Variants in ZNF696 observed in about 807,000 individuals in gnomAD.
ZNF696 encodes the protein zinc finger protein 696.
A neutral mutation model predicts 12.3 loss-of-function variants in ZNF696; 10 were observed. The ratio of observed to expected loss-of-function variants is 0.81; its 90% CI spans 0.50 to 1.38. The LOEUF is 1.38. ZNF696 is among the 40% of genes most tolerant of loss of function. The pLI is 0.00. For synonymous variants in ZNF696, 304 were observed against 243.9 expected (o/e 1.25, Z -2.29); for missense variants, 675 against 554.7 (o/e 1.22, Z -2.18).
At position 143,297,684 on chromosome 8, in the gene ZNF696, T is replaced by G. The variant is rs1815744364; in HGVS notation, c.*884T>G. ...GGAACCTGAGAAGGGGGTCGTGGGG[T>G]CCCCGGGGCCCACCGTCTGCACTTG... On this transcript the variant is annotated 3_prime_UTR_variant, in exon 3 of 3. Transcript: ENST00000330143. 6.6e-6 allele frequency: 1 copy of G among 151,330 alleles called. No individual in the cohort carries two copies. The highest frequency in any genetic ancestry group is 2.4e-5 in the African/African-American group (1 of 41,088). The allele number at this position is 151,330 out of a possible 1,614,324, so 9.4% of individuals were successfully genotyped here. A position where few individuals can be genotyped will look rare whatever the true frequency, so the allele number is the denominator to read the frequency against.
chr8:143,293,287 A>G, intron 2 of ZNF696: 2 of 582,670 alleles, frequency 3.4e-6, no homozygotes, highest in South Asian at 4.3e-5. Context: ...AAAGTCTGGC[A>G]GCCCCAGGCT....
Position 143,299,085 on chromosome 8 carries a change from G to A in ZNF696, c.*2285G>A, listed in dbSNP as rs985756308. Among the ~76,000 whole-genome samples, 3 of 152,108 alleles carry A rather than the reference G, an allele frequency of 2.0e-5. No individual in the cohort carries two copies. The highest frequency in any genetic ancestry group is 4.8e-5 in the African/African-American group (2 of 41,410). On this transcript the variant is annotated 3_prime_UTR_variant, in exon 3 of 3. Transcript: ENST00000330143. ...GAGGCAGGAGAATCCCTTGAACCTG[G>A]GAGGCAGAAGATGCAGTGAGCCGAG...
In ZNF696 at chr8:143,297,552, G is replaced by C. The variant is rs1314336367; in HGVS notation, c.*752G>C. On this transcript the variant is annotated 3_prime_UTR_variant, in exon 3 of 3. Coordinates refer to ENST00000330143, the MANE Select transcript of ZNF696 (RefSeq NM_030895.3). ...GTAATCTCAGCTACTTGGGAGCCTG[G>C]GGCAGGAGAATCACTTGAACCTGGG... 1 of 152,232 alleles carries C rather than the reference G, an allele frequency of 6.6e-6. No homozygotes were observed. The highest frequency in any genetic ancestry group is 1.5e-5 in the Non-Finnish European group (1 of 68,076). The allele number at this position is 152,232 out of a possible 1,614,324, so 9.4% of individuals were successfully genotyped here.
chr8:143,295,386 A>T, intron 2 of ZNF696: 1 of 561,640 alleles, frequency 1.8e-6, no homozygotes, highest in Non-Finnish European at 3.4e-6. Flanking sequence ...AAGAGACAGG[A>T]TCTCACTATG....
chr8:143,298,287 G>A lies in ZNF696; in HGVS notation c.*1487G>A, dbSNP rs990881068. 1.3e-5 allele frequency among the ~76,000 whole-genome samples: 2 copies of A among 152,172 alleles called. No homozygotes were observed. Among genetic ancestry groups the A allele is most frequent in the Admixed American group, 6.5e-5 (1 of 15,280 alleles). ...AGTCGCTTTGAGGGCTCTTGGCACCGATTTTGTTAAAATGCATGAGCTTAG... is the reference window on the plus strand; with the variant it reads ...AGTCGCTTTGAGGGCTCTTGGCACCAATTTTGTTAAAATGCATGAGCTTAG... On this transcript the variant is annotated 3_prime_UTR_variant, in exon 3 of 3. Coordinates refer to ENST00000330143, the MANE Select transcript of ZNF696 (RefSeq NM_030895.3).
At chr8:143,292,440 G>GTT (rs35335113) in intron 1 of ZNF696, among the ~76,000 whole-genome samples, 178 of 145,308 alleles carry the variant, frequency 1.2e-3, no homozygotes, top group Admixed American at 4.8e-3. Flanking sequence ...TCCCTTTTTG[G>GTT]TTTTTTTTTT....
At position 143,296,679 on chromosome 8, in the gene ZNF696, G is replaced by A. The variant is rs1258285602; in HGVS notation, c.1004G>A (p.Gly335Asp). 6.4e-7 allele frequency: 1 copy of A among 1,566,290 alleles called. No individual in the cohort carries two copies. Residue 335 changes from glycine to aspartate, a missense_variant, in exon 3 of 3, where the codon GGC becomes GAC. By Grantham distance (94) the Gly-to-Asp change is moderately conservative. Coordinates refer to ENST00000330143, the MANE Select transcript of ZNF696 (RefSeq NM_030895.3). ...HCGRAFRALS[G>D]FFRHQRLHTG... ...GGGCGCGCGTTCCGGGCGCTGTCGG[G>A]CTTCTTCCGGCACCAGCGACTCCAC...
Position 143,296,366 on chromosome 8 carries a change from C to A in ZNF696, c.691C>A (p.His231Asn). Residue 231 changes from histidine to asparagine, a missense_variant, in exon 3 of 3, where the codon CAC (histidine) becomes AAC (asparagine). Coordinates refer to ENST00000330143, the MANE Select transcript of ZNF696 (RefSeq NM_030895.3). ...RSDAAKHRRT[H>N]TGERLYACGE... The stretch of plus-strand genomic sequence containing the variant: ...GGACGCCGCCAAGCACCGCCGCACC[C>A]ACACCGGGGAGAGGCTGTACGCGTG... 6.3e-7 allele frequency: 1 copy of A among 1,594,228 alleles called. No individual in the cohort carries two copies.
rs963882818 is a variant in ZNF696, at chr8:143,296,893, G to A, written c.*93G>A. Reference sequence around the variant, plus strand: ...TGTCCGCCCCGTGCGCGGTGAGGAAGTAACAGCCGGCTGCGCGCCTGGTTC... The same window carrying A: ...TGTCCGCCCCGTGCGCGGTGAGGAAATAACAGCCGGCTGCGCGCCTGGTTC... On this transcript the variant is annotated 3_prime_UTR_variant, in exon 3 of 3. Transcript: ENST00000330143. 6.7e-6 allele frequency: 8 copies of A among 1,190,312 alleles called. No homozygotes were observed. Among genetic ancestry groups the A allele is most frequent in the Non-Finnish European group, 8.7e-6 (8 of 917,436 alleles). 73.7% of individuals were successfully genotyped at this position (1,190,312 alleles called of 1,614,324 possible).
intron 2 of ZNF696, among the ~76,000 whole-genome samples, chr8:143,294,395 T>C (rs566861325): frequency 1.2e-4 from 18 of 151,454 alleles, no homozygotes; most frequent in Admixed American, 3.9e-4. Context: ...CTTTTCTTTT[T>C]TTTTTTTTTA....
At position 143,292,980 on chromosome 8, in the gene ZNF696, C is replaced by T; in HGVS notation, c.-22C>T. ...TTCTTTTACCTAAGCAGAAATTGTT[C>T]CAACTGCTGGTGTTCTGCAAGATGG... On this transcript the variant is annotated 5_prime_UTR_variant, in exon 2 of 3. Transcript: ENST00000330143. The T allele has an allele frequency of 6.2e-7, 1 of 1,613,206 alleles. No homozygotes were observed. The highest frequency in any genetic ancestry group is 1.3e-5 in the African/African-American group (1 of 75,012).
intron 1 of ZNF696, among the ~76,000 whole-genome samples, chr8:143,292,661 G>A (rs890142825): frequency 1.3e-5 from 2 of 152,216 alleles, no homozygotes; most frequent in Non-Finnish European, 2.9e-5. Flanking sequence ...GAGGGCGCGG[G>A]CTTCCTCAGC....
intron 2 of ZNF696, chr8:143,293,402 C>T (rs1012523587): frequency 9.1e-5 from 41 of 451,708 alleles, no homozygotes; most frequent in South Asian, 7.7e-4. Context: ...TGTTGTAGGA[C>T]GTTCGGCAGC....
At chr8:143,294,177 C>T (rs1345772028) in intron 2 of ZNF696, among the ~76,000 whole-genome samples, 1 of 152,208 alleles carries the variant, frequency 6.6e-6, no homozygotes, top group African/African-American at 2.4e-5. Context: ...CAGGGTTTCA[C>T]CCCTACCCCT....
chr8:143,296,254 C>T lies in ZNF696; in HGVS notation c.579C>T (p.Ser193=), dbSNP rs61729428. The change falls in exon 3 of 3, where the codon AGC becomes AGT. Residue 193 remains serine (S), a synonymous_variant. Coordinates refer to ENST00000330143, the MANE Select transcript of ZNF696 (RefSeq NM_030895.3). ...CAECGKAFGQ[S]FNLLRHQRVH... The stretch of plus-strand genomic sequence containing the variant: ...AGTGCGGCAAGGCCTTCGGCCAGAG[C>T]TTCAACCTCCTCCGGCACCAGCGCG... 6.3e-7 allele frequency: 1 copy of T among 1,596,534 alleles called. No individual in the cohort carries two copies. The highest frequency in any genetic ancestry group is 8.5e-7 in the Non-Finnish European group (1 of 1,175,288).
intron 2 of ZNF696, among the ~76,000 whole-genome samples, chr8:143,293,496 G>C (rs1480469982): frequency 2.0e-5 from 3 of 152,284 alleles, no homozygotes; most frequent in South Asian, 4.1e-4. Context: ...TGTCAAATGT[G>C]CCCTCAGGAC....
In ZNF696 at chr8:143,296,872, C is replaced by A; in HGVS notation, c.*72C>A. 1 of 1,294,508 alleles carries A rather than the reference C, an allele frequency of 7.7e-7. No individual in the cohort carries two copies. Among genetic ancestry groups the A allele is most frequent in the African/African-American group, 1.6e-5 (1 of 63,542 alleles). 80.2% of individuals were successfully genotyped at this position (1,294,508 alleles called of 1,614,324 possible). A position where few individuals can be genotyped will look rare whatever the true frequency, so the allele number is the denominator to read the frequency against. ...GCCGAGGCCGGGGGAGGCTCCTGTCCGCCCCGTGCGCGGTGAGGAAGTAAC... is the reference window on the plus strand; with the variant it reads ...GCCGAGGCCGGGGGAGGCTCCTGTCAGCCCCGTGCGCGGTGAGGAAGTAAC... On this transcript the variant is annotated 3_prime_UTR_variant, in exon 3 of 3. Coordinates refer to ENST00000330143, the MANE Select transcript of ZNF696 (RefSeq NM_030895.3).
chr8:143,296,176 C>T lies in ZNF696; in HGVS notation c.501C>T (p.His167=). ...GGAAGGCCTTCATCCACAGCTCGCA[C>T]GTGGTCCGGCACCAGCGGGCGCACA... The part of the protein sequence containing the change: ...DCGKAFIHSS[H]VVRHQRAHSG... Residue 167 remains histidine, a synonymous_variant, in exon 3 of 3, where the codon CAC becomes CAT. Transcript: ENST00000330143. 6.2e-7 allele frequency: 1 copy of T among 1,606,308 alleles called. No homozygotes were observed. Among genetic ancestry groups the T allele is most frequent in the Non-Finnish European group, 8.5e-7 (1 of 1,178,114 alleles).
intron 2 of ZNF696, among the ~76,000 whole-genome samples, chr8:143,294,577 C>T (rs1430735435): frequency 6.6e-6 from 1 of 151,976 alleles, no homozygotes; most frequent in Non-Finnish European, 1.5e-5. Flanking sequence ...GATAGGGTTT[C>T]ACCTAATCTT....
Sources: gnomAD v4.1 joint callset for allele counts (sites outside exome capture counted in the v4.1 genomes callset) on GRCh38, gnomAD v4.1.1 for gene constraint, MANE v1.5 for transcripts, NCBI Gene and HGNC (gene_info 2026-07-23, HGNC 2026-07-21) for gene names.